MGAT4A: variants seen among roughly 807,000 people sequenced by gnomAD.
MGAT4A encodes the protein N-acetylglucosaminyltransferase IVa.
Under a neutral mutation model 74.1 loss-of-function variants are expected in MGAT4A, and 33 were observed. That is an observed-to-expected ratio of 0.45 (90% confidence interval 0.34 to 0.60). The LOEUF is 0.60. Ranked by LOEUF, MGAT4A falls within the 20% of genes least tolerant of loss-of-function variation. MGAT4A has a pLI of 0.02. For missense variants in MGAT4A, 479 were observed against 628.3 expected (o/e 0.76, Z 2.54); for synonymous variants, 198 against 210.4 (o/e 0.94, Z 0.51).
At chr2:98,632,375 G>A (rs1265400436) in intron 14 of MGAT4A, among the ~76,000 whole-genome samples, 1 of 152,170 alleles carries the variant, frequency 6.6e-6, no homozygotes, top group Non-Finnish European at 1.5e-5. Context: ...TGAAAGGTGG[G>A]TAAGGGAACT....
chr2:98,625,858 T>A, intron 14 of MGAT4A, 23 bp from the exon 15 acceptor site: 1 of 1,526,000 alleles, frequency 6.6e-7, no homozygotes, highest in Non-Finnish European at 9.1e-7. Flanking sequence ...AATCAATACT[T>A]GTTGGATACA....
At chr2:98,670,653 C>T (rs1309261828) in intron 4 of MGAT4A, among the ~76,000 whole-genome samples, 5 of 152,154 alleles carry the variant, frequency 3.3e-5, no homozygotes, top group African/African-American at 1.2e-4. Context: ...TCACTTTAGT[C>T]ATTTATTCCT....
chr2:98,684,695 A>G (rs1702105246), intron 2 of MGAT4A, among the ~76,000 whole-genome samples: 1 of 152,224 alleles, frequency 6.6e-6, no homozygotes, highest in Non-Finnish European at 1.5e-5. Context: ...AACACAAACA[A>G]AAAGCACCAA....
chr2:98,729,883 T>C lies in MGAT4A; in HGVS notation c.-236+1165A>G, dbSNP rs545399798. ...GCCTATATAACTTTACACACCACAA[T>C]TGTGGCAAAATTCATTTATTTGCCA... On this transcript the variant is annotated intron_variant, in intron 1 of 15. Transcript: ENST00000393487. Among the ~76,000 whole-genome samples, 12 of 152,310 alleles carry C rather than the reference T, an allele frequency of 7.9e-5. 1 individual carries two copies. The highest frequency in any genetic ancestry group is 1.9e-4 in the African/African-American group (8 of 41,564).
At chr2:98,653,335 T>A (rs1701610150) in intron 8 of MGAT4A, among the ~76,000 whole-genome samples, 10 of 105,230 alleles carry the variant, frequency 9.5e-5, no homozygotes, top group South Asian at 5.8e-4. Context: ...GATAAATAAA[T>A]AGAAAAAAAT....
intron 14 of MGAT4A, among the ~76,000 whole-genome samples, chr2:98,626,763 C>T (rs1460893933): frequency 6.6e-6 from 1 of 152,172 alleles, no homozygotes; most frequent in Non-Finnish European, 1.5e-5. Flanking sequence ...TAACATTTCA[C>T]TTAACTGGGG....
intron 2 of MGAT4A, among the ~76,000 whole-genome samples, chr2:98,695,851 C>T (rs1401456736): frequency 2.0e-5 from 3 of 148,940 alleles, no homozygotes; most frequent in African/African-American, 7.4e-5. Context: ...TAGTTAATTA[C>T]AATTTAAAGA....
chr2:98,641,206 C>T (rs867828744), intron 10 of MGAT4A, among the ~76,000 whole-genome samples: 1 of 151,322 alleles, frequency 6.6e-6, no homozygotes, highest in African/African-American at 2.4e-5. Context: ...CAAAAAAAAT[C>T]AAAAAACACA....
chr2:98,635,111 A>G, intron 14 of MGAT4A, 111 bp downstream of exon 14: 1 of 754,216 alleles, frequency 1.3e-6, no homozygotes, highest in Non-Finnish European at 2.2e-6. Context: ...TAAAACCTGG[A>G]GGACACTGGT....
chr2:98,720,717 T>C (rs1425863510), intron 2 of MGAT4A, among the ~76,000 whole-genome samples: 1 of 151,988 alleles, frequency 6.6e-6, no homozygotes, highest in Non-Finnish European at 1.5e-5. Context: ...GAGAAAGAAT[T>C]AGCAAACTTG....
chr2:98,712,060 G>T (rs550979833), intron 2 of MGAT4A, among the ~76,000 whole-genome samples: 78 of 152,176 alleles, frequency 5.1e-4, no homozygotes, highest in South Asian at 1.0e-3. Context: ...AACAGTCCCT[G>T]TCCCCTCCTC....
chr2:98,705,967 A>AAAG (rs1553539840), intron 2 of MGAT4A, among the ~76,000 whole-genome samples: 2 of 147,540 alleles, frequency 1.4e-5, no homozygotes, highest in African/African-American at 2.5e-5. Context: ...AAAAAAAAAA[A>AAAG]AAAAGAAAAT....
At chr2:98,645,069 A>T (rs1393326794) in intron 9 of MGAT4A, among the ~76,000 whole-genome samples, 1 of 152,278 alleles carries the variant, frequency 6.6e-6, no homozygotes, top group Non-Finnish European at 1.5e-5. Context: ...ATTGCATGAA[A>T]ATACTAGGAA....
intron 4 of MGAT4A, among the ~76,000 whole-genome samples, chr2:98,663,993 G>A (rs1423677944): frequency 6.6e-6 from 1 of 152,048 alleles, no homozygotes; most frequent in Non-Finnish European, 1.5e-5. Context: ...CACTGCTTGA[G>A]CTCAGGAGTT....
At chr2:98,665,299 A>C (rs1276326806) in intron 4 of MGAT4A, among the ~76,000 whole-genome samples, 4 of 142,542 alleles carry the variant, frequency 2.8e-5, no homozygotes, top group Admixed American at 2.2e-4. Context: ...ACTGCACACC[A>C]GCCTGGGCAA....
chr2:98,726,614 T>C (rs1272665023), intron 1 of MGAT4A, 47 bp from the exon 2 acceptor site: 1 of 383,166 alleles, frequency 2.6e-6, no homozygotes, highest in African/African-American at 2.0e-5. Context: ...TAATGCAAAA[T>C]GTAAGTTTCT....
At position 98,719,683 on chromosome 2, in the gene MGAT4A, T is replaced by C. The variant is rs187691052; in HGVS notation, c.94+6556A>G. ...TTTTTTAAGATGGAGTCTAGCTCTG[T>C]CACCCAGACTGGAGTACAGTGGGGG... is the stretch of plus-strand genomic sequence containing the variant. On this transcript the variant is annotated intron_variant, in intron 2 of 15. Transcript: ENST00000393487. 1.8e-4 allele frequency among the ~76,000 whole-genome samples: 27 copies of C among 152,332 alleles called. No individual in the cohort carries two copies. The East Asian group carries it at 3.9e-3, about 22-fold the overall frequency.
intron 12 of MGAT4A, among the ~76,000 whole-genome samples, chr2:98,639,593 T>C (rs1305356619): frequency 1.3e-5 from 2 of 152,102 alleles, no homozygotes; most frequent in African/African-American, 4.8e-5. Context: ...GAAATACCAA[T>C]GAAGTTCACC....
intron 8 of MGAT4A, among the ~76,000 whole-genome samples, chr2:98,650,930 A>G (rs1701567974): frequency 6.6e-6 from 1 of 152,134 alleles, no homozygotes; most frequent in Non-Finnish European, 1.5e-5. Context: ...CCTGGGCGAC[A>G]GAGCAAGACT....
Sources: gnomAD v4.1 joint callset for allele counts (sites outside exome capture counted in the v4.1 genomes callset) on GRCh38, gnomAD v4.1.1 for gene constraint, MANE v1.5 for transcripts, NCBI Gene and HGNC (gene_info 2026-07-23, HGNC 2026-07-21) for gene names.